The following PCDHGB4 variants were observed in gnomAD, a reference collection of about 807,000 sequenced individuals.
PCDHGB4 encodes protocadherin gamma-B4.
A neutral mutation model predicts 60.5 loss-of-function variants in PCDHGB4; 38 were observed. The ratio of observed to expected loss-of-function variants is 0.63; its 90% CI spans 0.48 to 0.82. The LOEUF (loss-of-function observed/expected upper bound fraction) is 0.82, where lower values mean the gene tolerates loss of function less well. Ranked by LOEUF, PCDHGB4 falls within the 40% of genes least tolerant of loss-of-function variation. The pLI, the probability that PCDHGB4 is intolerant of heterozygous loss-of-function variation, is 0.00. For missense variants in PCDHGB4, 1,109 were observed against 1,209.6 expected (o/e 0.92, Z 1.23); for synonymous variants, 456 against 509.7 (o/e 0.89, Z 1.42).
At chr5:141,453,420 C>A (rs2098764964) in intron 1 of PCDHGB4, among the ~76,000 whole-genome samples, 1 of 152,054 alleles carries the variant, frequency 6.6e-6, no homozygotes, top group African/African-American at 2.4e-5. Context: ...GCATAAGCCA[C>A]CACACCTAGC....
At chr5:141,441,398 G>A (rs1257981333) in intron 1 of PCDHGB4, 1 of 154,848 alleles carries the variant, frequency 6.5e-6, no homozygotes, top group Non-Finnish European at 1.4e-5. Context: ...TATAACATCA[G>A]CATCACTGCC....
chr5:141,493,983 A>G lies in PCDHGB4; in HGVS notation c.2398-824A>G, dbSNP rs2099751203. Among the ~76,000 whole-genome samples the G allele has an allele frequency of 6.6e-6, 1 of 152,194 alleles. No homozygotes were observed. The highest frequency in any genetic ancestry group is 6.5e-5 in the Admixed American group (1 of 15,278). ...TGGCTGGCCAGAGCCCCACACCTTC[A>G]GCTAGGTGGGAGATGGCTACACATC... On this transcript the variant is annotated intron_variant, in intron 1 of 3. Coordinates refer to ENST00000519479, the MANE Select transcript of PCDHGB4 (RefSeq NM_003736.4). The surrounding 1 kb of genome is among the most constrained non-coding windows in gnomAD (Gnocchi z 4.3).
At chr5:141,481,531 G>A (rs1342825952) in intron 1 of PCDHGB4, among the ~76,000 whole-genome samples, 2 of 152,206 alleles carry the variant, frequency 1.3e-5, no homozygotes, top group African/African-American at 4.8e-5. Context: ...AAAATCTAGA[G>A]ATGGGGCTGG....
At chr5:141,508,434 G>A (rs2099868795) in intron 3 of PCDHGB4, among the ~76,000 whole-genome samples, 1 of 152,160 alleles carries the variant, frequency 6.6e-6, no homozygotes, top group Admixed American at 6.5e-5. Flanking sequence ...AGCTCACACA[G>A]TTCCTTAGTG....
In PCDHGB4 at chr5:141,490,376, C is replaced by T. The variant is rs761956816; in HGVS notation, c.2398-4431C>T. 2 of 1,614,184 alleles carry T rather than the reference C, an allele frequency of 1.2e-6. No individual in the cohort carries two copies. The highest frequency in any genetic ancestry group is 1.7e-6 in the Non-Finnish European group (2 of 1,180,036). ...TTGTTTAATGTGCGAGACCGGGACT[C>T]AGGTAGAAATGGTGAAGTGAGCCTT... is the stretch of plus-strand genomic sequence containing the variant. On this transcript the variant is annotated intron_variant, in intron 1 of 3. Transcript: ENST00000519479. The surrounding 1 kb of genome is among the most constrained non-coding windows in gnomAD (Gnocchi z 5.4).
intron 1 of PCDHGB4, chr5:141,405,524 A>T (rs1430059160): frequency 7.4e-6 from 5 of 677,158 alleles, no homozygotes; most frequent in Non-Finnish European, 1.2e-5. Context: ...AATTCAAGCG[A>T]TTCTCCTGCC....
intron 1 of PCDHGB4, chr5:141,394,121 T>G: frequency 6.2e-7 from 1 of 1,613,920 alleles, no homozygotes; most frequent in Non-Finnish European, 8.5e-7. Flanking sequence ...CCACTGAAAC[T>G]CAAATCGCTC....
intron 1 of PCDHGB4, among the ~76,000 whole-genome samples, chr5:141,460,407 TTG>T: frequency 6.6e-6 from 1 of 152,188 alleles, no homozygotes; most frequent in Non-Finnish European, 1.5e-5. Flanking sequence ...TCCTTTTGAG[TTG>T]ATGTTTATGT....
intron 1 of PCDHGB4, chr5:141,402,972 G>C: frequency 6.2e-7 from 1 of 1,608,318 alleles, no homozygotes; most frequent in Non-Finnish European, 8.5e-7. Flanking sequence ...CCAACCAAAT[G>C]CCAGCTCCGC....
chr5:141,430,949 GT>G (rs1391027030), intron 1 of PCDHGB4: 5 of 1,610,510 alleles, frequency 3.1e-6, no homozygotes, highest in Non-Finnish European at 4.2e-6. Flanking sequence ...GGAGCGCGGA[GT>G]CCGCATCATC....
rs1334965321 is a variant in PCDHGB4, at chr5:141,432,195, C to T, written c.2397+41914C>T. 3 of 1,614,088 alleles carry T rather than the reference C, an allele frequency of 1.9e-6. No homozygotes were observed. The Admixed American group carries it at 5.0e-5, about 27-fold the overall frequency. ...CTCGTCTCTGTGACCGCCCACGACC[C>T]CGACTGTGAAGAGAACGCCCAGATC... On this transcript the variant is annotated intron_variant, in intron 1 of 3. Transcript: ENST00000519479. This position sits in a 1 kb window ranked among gnomAD's most constrained non-coding sequence, Gnocchi z 6.0.
chr5:141,403,571 G>T (rs778030830), intron 1 of PCDHGB4: 2 of 1,613,904 alleles, frequency 1.2e-6, no homozygotes, highest in South Asian at 1.1e-5. Flanking sequence ...GGAGGCAACT[G>T]CCCACCACCT....
Position 141,508,665 on chromosome 5 carries a change from C to T in PCDHGB4, c.2546-2282C>T, listed in dbSNP as rs181641281. ...CGTCAGGCCCTTCCTGTCATTCTGT[C>T]TCTGCCTCCCTTCTCCCTGCTTCTC... On this transcript the variant is annotated intron_variant, in intron 3 of 3. Coordinates refer to ENST00000519479, the MANE Select transcript of PCDHGB4 (RefSeq NM_003736.4). Among the ~76,000 whole-genome samples the T allele has an allele frequency of 3.7e-3, 564 of 152,254 alleles. 5 individuals carry two copies. Among genetic ancestry groups the T allele is most frequent in the Admixed American group, 0.011 (164 of 15,296 alleles).
At chr5:141,474,148 A>G (rs773360112) in intron 1 of PCDHGB4, among the ~76,000 whole-genome samples, 4 of 152,244 alleles carry the variant, frequency 2.6e-5, no homozygotes, top group Non-Finnish European at 5.9e-5. Context: ...CTTATTATCA[A>G]GAAAATGACA....
rs531285035 is a variant in PCDHGB4, at chr5:141,493,409, C to T, written c.2398-1398C>T. Among the ~76,000 whole-genome samples, 4 of 152,286 alleles carry T rather than the reference C, an allele frequency of 2.6e-5. No homozygotes were observed. The East Asian group carries it at 7.7e-4, about 29-fold the overall frequency. On this transcript the variant is annotated intron_variant, in intron 1 of 3. Coordinates refer to ENST00000519479, the MANE Select transcript of PCDHGB4 (RefSeq NM_003736.4). The surrounding 1 kb of genome is among the most constrained non-coding windows in gnomAD (Gnocchi z 4.3). Reference sequence around the variant, plus strand: ...GGACAGGAGAGGGGAGTTGCCTCTGCTGGGATTTTGCTTCTGCTGGGATGG... The same window carrying T: ...GGACAGGAGAGGGGAGTTGCCTCTGTTGGGATTTTGCTTCTGCTGGGATGG...
intron 1 of PCDHGB4, chr5:141,419,386 G>T: frequency 2.5e-6 from 4 of 1,613,650 alleles, no homozygotes; most frequent in Non-Finnish European, 3.4e-6. Context: ...CCGTGAGCGC[G>T]CAGAGCGGGG....
chr5:141,502,282 C>A (rs187281689), intron 2 of PCDHGB4, among the ~76,000 whole-genome samples: 1 of 151,848 alleles, frequency 6.6e-6, no homozygotes, highest in Non-Finnish European at 1.5e-5. Flanking sequence ...GCATAGATTG[C>A]ATTTGGTTGT....
intron 1 of PCDHGB4, chr5:141,411,158 A>T (rs1384845652): frequency 6.6e-6 from 1 of 152,212 alleles, no homozygotes; most frequent in Admixed American, 6.5e-5. Context: ...TCAAGTTCTG[A>T]CTATCGAACA....
At chr5:141,437,035 C>T (rs991186972) in intron 1 of PCDHGB4, among the ~76,000 whole-genome samples, 1 of 152,120 alleles carries the variant, frequency 6.6e-6, no homozygotes, top group Non-Finnish European at 1.5e-5. Context: ...AATGGATCAC[C>T]GAAACCAGAA....
Sources: allele counts gnomAD v4.1 joint callset (sites outside exome capture counted in the v4.1 genomes callset), GRCh38; gene constraint gnomAD v4.1.1; non-coding constraint Gnocchi (gnomAD v3.1); transcripts MANE v1.5; gene names NCBI Gene and HGNC (gene_info 2026-07-23, HGNC 2026-07-21).